The following CMSS1 variants were observed in gnomAD, a reference collection of about 807,000 sequenced individuals.
CMSS1 encodes protein CMSS1.
A neutral mutation model predicts 43.5 loss-of-function variants in CMSS1; 33 were observed. The observed-to-expected ratio is 0.76, with a 90% CI of 0.57 to 1.01. CMSS1 has a LOEUF of 1.01. Ranked by LOEUF, CMSS1 falls within the 50% of genes least tolerant of loss-of-function variation. CMSS1 has a pLI of 0.00. For synonymous variants in CMSS1, 115 were observed against 117.2 expected (o/e 0.98, Z 0.12); for missense variants, 313 against 326.4 (o/e 0.96, Z 0.32).
intron 1 of CMSS1, among the ~76,000 whole-genome samples, chr3:100,033,875 G>C (rs1479958223): frequency 6.6e-6 from 1 of 152,070 alleles, no homozygotes; most frequent in Non-Finnish European, 1.5e-5. Context: ...TGAACATCTA[G>C]TACAAAAGTG....
chr3:99,858,694 T>C (rs893856830), intron 1 of CMSS1, among the ~76,000 whole-genome samples: 2 of 152,168 alleles, frequency 1.3e-5, no homozygotes, highest in African/African-American at 4.8e-5. Context: ...TCACACGTCA[T>C]GGAGCCTCTG....
At position 100,143,991 on chromosome 3, in the gene CMSS1, C is replaced by T. The variant is rs188495032; in HGVS notation, c.65-2982C>T. Among the ~76,000 whole-genome samples the T allele has an allele frequency of 2.4e-3, 365 of 152,152 alleles. 1 individual carries two copies. Among genetic ancestry groups the T allele is most frequent in the African/African-American group, 7.7e-3 (320 of 41,490 alleles). On this transcript the variant is annotated intron_variant, in intron 1 of 9. Transcript: ENST00000421999. ...AAGTTTCTTATAACAGCATATAGTT[C>T]GGTCATATTTTAAAATTCATTCTGT...
chr3:99,827,214 C>T (rs1942551507), intron 1 of CMSS1, among the ~76,000 whole-genome samples: 2 of 152,096 alleles, frequency 1.3e-5, no homozygotes, highest in African/African-American at 4.8e-5. Flanking sequence ...TATTTTGAGA[C>T]AGAGTCTCAC....
intron 1 of CMSS1, among the ~76,000 whole-genome samples, chr3:99,823,925 CTTT>C (rs1288112808): frequency 4.2e-5 from 6 of 141,950 alleles, no homozygotes; most frequent in Admixed American, 7.1e-5. Flanking sequence ...TTCTTTCTTT[CTTT>C]TTTTTTTTTT....
intron 1 of CMSS1, among the ~76,000 whole-genome samples, chr3:99,847,081 A>C (rs1943397572): frequency 6.6e-6 from 1 of 152,224 alleles, no homozygotes; most frequent in Non-Finnish European, 1.5e-5. Context: ...TAAATGGCAT[A>C]ATAATCACAG....
chr3:100,096,727 A>G (rs2066216257), intron 1 of CMSS1, among the ~76,000 whole-genome samples: 1 of 152,130 alleles, frequency 6.6e-6, no homozygotes, highest in Non-Finnish European at 1.5e-5. Context: ...CTACAGTCAA[A>G]TTAATTTAAT....
chr3:100,168,812 A>C (rs1333996316), intron 6 of CMSS1, among the ~76,000 whole-genome samples: 1 of 151,526 alleles, frequency 6.6e-6, no homozygotes, highest in Non-Finnish European at 1.5e-5. Context: ...TAGGCAAAGA[A>C]ATTCTGAAAA....
chr3:99,976,651 CT>C (rs1312337918), intron 1 of CMSS1, among the ~76,000 whole-genome samples: 1 of 151,890 alleles, frequency 6.6e-6, no homozygotes. Context: ...TTTTTTTAAA[CT>C]GTTTACCTTC....
At chr3:100,117,697 T>C (rs905683608) in intron 1 of CMSS1, among the ~76,000 whole-genome samples, 2 of 150,632 alleles carry the variant, frequency 1.3e-5, no homozygotes, top group South Asian at 2.1e-4. Flanking sequence ...AATGTGTATA[T>C]TGATTACAGG....
chr3:99,961,739 A>G (rs533609509), intron 1 of CMSS1, among the ~76,000 whole-genome samples: 1 of 152,280 alleles, frequency 6.6e-6, no homozygotes, highest in African/African-American at 2.4e-5. Flanking sequence ...TCCTTCCAAG[A>G]CATTTGTAGA....
chr3:99,844,699 A>G (rs909725738), intron 1 of CMSS1, among the ~76,000 whole-genome samples: 5 of 152,120 alleles, frequency 3.3e-5, no homozygotes, highest in African/African-American at 1.2e-4. Flanking sequence ...TTTATGGGTT[A>G]TGTATGTGGT....
chr3:100,155,866 A>C (rs529667567), intron 2 of CMSS1, among the ~76,000 whole-genome samples: 1 of 152,236 alleles, frequency 6.6e-6, no homozygotes, highest in South Asian at 2.1e-4. Flanking sequence ...AAATCTTGGC[A>C]CTATTCTTTT....
intron 1 of CMSS1, among the ~76,000 whole-genome samples, chr3:100,042,954 T>C (rs2065228722): frequency 6.6e-6 from 1 of 152,224 alleles, no homozygotes; most frequent in Admixed American, 6.5e-5. Flanking sequence ...AAGTCCTACA[T>C]GTTTGTGGAA....
chr3:99,959,234 C>T (rs1708424757), intron 1 of CMSS1, among the ~76,000 whole-genome samples: 2 of 152,294 alleles, frequency 1.3e-5, no homozygotes, highest in Middle Eastern at 3.4e-3. Flanking sequence ...CTGCAACCTC[C>T]AACTCCCAGG....
chr3:99,853,677 G>C (rs1000185263), intron 1 of CMSS1, among the ~76,000 whole-genome samples: 3 of 152,038 alleles, frequency 2.0e-5, no homozygotes, highest in Admixed American at 6.6e-5. Flanking sequence ...TAAATTAGTT[G>C]GCATCCCCAT....
chr3:99,963,192 C>T (rs1251562179), intron 1 of CMSS1, among the ~76,000 whole-genome samples: 1 of 152,216 alleles, frequency 6.6e-6, no homozygotes, highest in Non-Finnish European at 1.5e-5. Flanking sequence ...CAAATCAAGC[C>T]ACTTAATGCT....
rs757384515 is a variant in CMSS1, at chr3:100,180,404, A to G, written c.*2016A>G. On this transcript the variant is annotated 3_prime_UTR_variant, in exon 10 of 10. Coordinates refer to ENST00000421999, the MANE Select transcript of CMSS1 (RefSeq NM_032359.4). The stretch of plus-strand genomic sequence containing the variant: ...AATATAAGTTATCTCTGCTTATGCA[A>G]ATGAGCATAGGCTTTTAGAAGCAAC... 3.9e-5 allele frequency: 6 copies of G among 152,230 alleles called. No individual in the cohort carries two copies. Among genetic ancestry groups the G allele is most frequent in the Non-Finnish European group, 8.8e-5 (6 of 68,040 alleles). 9.4% of individuals were successfully genotyped at this position (152,230 alleles called of 1,614,324 possible).
intron 1 of CMSS1, among the ~76,000 whole-genome samples, chr3:100,008,609 G>A (rs1162959275): frequency 2.0e-5 from 3 of 152,146 alleles, no homozygotes; most frequent in Non-Finnish European, 4.4e-5. Context: ...GAACAATGGT[G>A]GGGTTAATAC....
chr3:99,839,266 C>T (rs1233883199), intron 1 of CMSS1, among the ~76,000 whole-genome samples: 2 of 152,118 alleles, frequency 1.3e-5, no homozygotes, highest in African/African-American at 2.4e-5. Context: ...TTTAAGCTAC[C>T]CCTTAACTCC....
Sources: gnomAD v4.1 joint callset for allele counts (sites outside exome capture counted in the v4.1 genomes callset) on GRCh38, gnomAD v4.1.1 for gene constraint, MANE v1.5 for transcripts, NCBI Gene and HGNC (gene_info 2026-07-23, HGNC 2026-07-21) for gene names.